HS3ST4: variants seen among roughly 807,000 people sequenced by gnomAD.
HS3ST4 encodes heparan sulfate-glucosamine 3-sulfotransferase 4, also known as heparan sulfate glucosamine 3-O-sulfotransferase 4.
In HS3ST4, 17 loss-of-function variants were observed where a neutral mutation model predicts 29.2. The observed-to-expected ratio is 0.58, with a 90% CI of 0.40 to 0.87. HS3ST4 has a LOEUF of 0.87. Ranked by LOEUF, HS3ST4 falls within the 40% of genes least tolerant of loss-of-function variation. The pLI, the probability that HS3ST4 is intolerant of heterozygous loss-of-function variation, is 0.00. For synonymous variants in HS3ST4, 314 were observed against 285.7 expected (o/e 1.10, Z -1.00); for missense variants, 627 against 634.5 (o/e 0.99, Z 0.13).
intron 1 of HS3ST4, among the ~76,000 whole-genome samples, chr16:26,036,746 A>G (rs1969586859): frequency 6.6e-6 from 1 of 152,244 alleles, no homozygotes; most frequent in South Asian, 2.1e-4. Flanking sequence ...AATGTGGCAT[A>G]TAAAATTCTT....
chr16:25,743,604 C>A (rs1224463809), intron 1 of HS3ST4, among the ~76,000 whole-genome samples: 1 of 152,154 alleles, frequency 6.6e-6, no homozygotes, highest in African/African-American at 2.4e-5. Context: ...CTCCCGGATT[C>A]AAGTGATTCT....
chr16:25,939,330 CATT>C (rs1016503310), intron 1 of HS3ST4, among the ~76,000 whole-genome samples: 14 of 33,690 alleles, frequency 4.2e-4, no homozygotes, highest in African/African-American at 7.2e-4. Flanking sequence ...TTATTATTAT[CATT>C]ATTATTATTA....
intron 1 of HS3ST4, among the ~76,000 whole-genome samples, chr16:25,897,140 G>C (rs964093547): frequency 2.0e-5 from 3 of 152,130 alleles, no homozygotes; most frequent in African/African-American, 7.2e-5. Context: ...TGTGCCCCCA[G>C]AGTCTAAAAT....
At chr16:25,874,289 G>A (rs909152147) in intron 1 of HS3ST4, among the ~76,000 whole-genome samples, 17 of 152,088 alleles carry the variant, frequency 1.1e-4, no homozygotes, top group African/African-American at 4.1e-4. Flanking sequence ...TTAGTCCACA[G>A]CAACAGTGTG....
intron 1 of HS3ST4, among the ~76,000 whole-genome samples, chr16:26,024,591 G>T (rs904647111): frequency 7.9e-5 from 12 of 151,808 alleles, no homozygotes; most frequent in Non-Finnish European, 1.5e-4. Flanking sequence ...AACTAGCAGG[G>T]CATGGTGGTA....
intron 1 of HS3ST4, among the ~76,000 whole-genome samples, chr16:25,839,625 T>A (rs1049854598): frequency 3.3e-5 from 5 of 152,314 alleles, no homozygotes; most frequent in African/African-American, 1.2e-4. Flanking sequence ...CAATAGGGCT[T>A]TGTGTTATAT....
intron 1 of HS3ST4, among the ~76,000 whole-genome samples, chr16:25,813,139 C>T (rs1967058769): frequency 6.6e-6 from 1 of 152,154 alleles, no homozygotes; most frequent in Non-Finnish European, 1.5e-5. Flanking sequence ...AAGGCTTGAA[C>T]AGACACTTTA....
chr16:25,797,362 C>T (rs1322992712), intron 1 of HS3ST4, among the ~76,000 whole-genome samples: 3 of 152,076 alleles, frequency 2.0e-5, no homozygotes, highest in East Asian at 1.9e-4. Context: ...CACGGTATTG[C>T]GTTGAATTAT....
chr16:25,901,476 G>A (rs1044400065), intron 1 of HS3ST4, among the ~76,000 whole-genome samples: 2 of 152,160 alleles, frequency 1.3e-5, no homozygotes, highest in African/African-American at 4.8e-5. Flanking sequence ...TTCAAGACCA[G>A]CCTGGCCAAC....
At chr16:26,030,820 A>G (rs1052965355) in intron 1 of HS3ST4, among the ~76,000 whole-genome samples, 2 of 152,176 alleles carry the variant, frequency 1.3e-5, no homozygotes, top group African/African-American at 4.8e-5. Flanking sequence ...TCAGATTCCA[A>G]GTTATGAAAA....
chr16:25,898,855 C>G (rs980991668), intron 1 of HS3ST4, among the ~76,000 whole-genome samples: 19 of 152,194 alleles, frequency 1.2e-4, no homozygotes, highest in Non-Finnish European at 2.1e-4. Context: ...ACAAGACTTA[C>G]GTGAGAATTT....
chr16:25,913,084 CA>C (rs1229646290), intron 1 of HS3ST4, among the ~76,000 whole-genome samples: 1 of 152,196 alleles, frequency 6.6e-6, no homozygotes, highest in African/African-American at 2.4e-5. Flanking sequence ...TAGTGTTTCT[CA>C]AGCTTTGGTG....
rs761032247 is a variant in HS3ST4, at chr16:25,692,640, C to T, written c.223C>T (p.Pro75Ser). The T allele has an allele frequency of 5.1e-6, 7 of 1,363,970 alleles. No homozygotes were observed. The highest frequency in any genetic ancestry group is 3.1e-5 in the South Asian group (2 of 63,552). 84.5% of individuals were successfully genotyped at this position (1,363,970 alleles called of 1,614,324 possible). A position where few individuals can be genotyped will look rare whatever the true frequency, so the allele number is the denominator to read the frequency against. The change falls in exon 1 of 2, where the codon CCC becomes TCC. Residue 75 changes from proline (P) to serine (S), a missense_variant. Physicochemically the swap from Pro to Ser is moderately conservative, Grantham distance 74. Coordinates refer to ENST00000331351, the MANE Select transcript of HS3ST4 (RefSeq NM_006040.3). ...LQESPGAAAE[P>S]PPSPPPPSLL... ...GGAGTCGCCGGGCGCCGCCGCCGAG[C>T]CCCCGCCGAGCCCGCCGCCACCCTC...
intron 1 of HS3ST4, among the ~76,000 whole-genome samples, chr16:25,801,276 A>G (rs1434731938): frequency 6.6e-6 from 1 of 152,200 alleles, no homozygotes; most frequent in Admixed American, 6.6e-5. Context: ...GGTATGCAAC[A>G]TAGTGCATGA....
chr16:25,970,260 A>C (rs544517229), intron 1 of HS3ST4, among the ~76,000 whole-genome samples: 1 of 152,338 alleles, frequency 6.6e-6, no homozygotes, highest in Non-Finnish European at 1.5e-5. Context: ...TTGTTTTGCA[A>C]GATGGAAATG....
rs774449901 is a variant in HS3ST4 at position 25,692,584 on chromosome 16, C to T, written c.167C>T (p.Ser56Leu). Residue 56 changes from serine (S) to leucine (L), a missense_variant, in exon 1 of 2, where the codon TCG (serine) becomes TTG (leucine). This residue lies in a region of HS3ST4 where 402 missense variants were observed against 340.8 expected (regional missense o/e 1.18). Coordinates refer to ENST00000331351, the MANE Select transcript of HS3ST4 (RefSeq NM_006040.3). The part of the protein sequence containing the change: ...TYLCYSLLGG[S>L]GSLQFPLALQ... ...CTGTGCTACAGCCTCCTGGGCGGCTCGGGCTCCCTGCAATTCCCTCTGGCG... is the reference window on the plus strand; with the variant it reads ...CTGTGCTACAGCCTCCTGGGCGGCTTGGGCTCCCTGCAATTCCCTCTGGCG... 5.6e-6 allele frequency: 8 copies of T among 1,424,366 alleles called. No individual in the cohort carries two copies. Among genetic ancestry groups the T allele is most frequent in the Admixed American group, 2.4e-5 (1 of 42,064 alleles). The allele number at this position is 1,424,366 out of a possible 1,614,324, so 88.2% of individuals were successfully genotyped here. A position where few individuals can be genotyped will look rare whatever the true frequency, so the allele number is the denominator to read the frequency against.
chr16:25,960,559 C>G (rs1258172870), intron 1 of HS3ST4, among the ~76,000 whole-genome samples: 1 of 152,150 alleles, frequency 6.6e-6, no homozygotes, highest in Admixed American at 6.5e-5. Flanking sequence ...GACCCAGTAT[C>G]TGTCTCATCC....
chr16:25,920,910 G>A (rs531672876), intron 1 of HS3ST4, among the ~76,000 whole-genome samples: 3 of 151,976 alleles, frequency 2.0e-5, no homozygotes, highest in Non-Finnish European at 1.5e-5. Flanking sequence ...GAGCCACCAC[G>A]CCCAGCCTGA....
rs548870700 is a variant in HS3ST4, at chr16:25,876,750, C to T, written c.734+183599C>T. On this transcript the variant is annotated intron_variant, in intron 1 of 1. Transcript: ENST00000331351. ...GGAAGGATGAACCCTGGGCTGGAGA[C>T]TACATATTTTTGCCATGCTTTTTCT... Among the ~76,000 whole-genome samples the T allele has an allele frequency of 2.6e-4, 40 of 152,074 alleles. 1 individual carries two copies. In the South Asian group the frequency reaches 8.3e-3, roughly 32 times the overall value.
Sources: gnomAD v4.1 joint callset for allele counts (sites outside exome capture counted in the v4.1 genomes callset) on GRCh38, gnomAD v4.1.1 for gene constraint, gnomAD v4.1.1 regional missense constraint, MANE v1.5 for transcripts, NCBI Gene and HGNC (gene_info 2026-07-23, HGNC 2026-07-21) for gene names.